The following ANO10 variants were observed in gnomAD, a reference collection of about 807,000 sequenced individuals.
The protein encoded by ANO10 is anoctamin-10.
Under a neutral mutation model 74.7 loss-of-function variants are expected in ANO10, and 77 were observed. That is an observed-to-expected ratio of 1.03 (90% confidence interval 0.86 to 1.25). ANO10 has a LOEUF of 1.25. ANO10 is among the 50% of genes most tolerant of loss of function. The pLI, the probability that ANO10 is intolerant of heterozygous loss-of-function variation, is 0.00. For synonymous variants in ANO10, 279 were observed against 284.9 expected, an observed-to-expected ratio of 0.98 and a Z score of 0.21; for missense variants, 721 against 778.1, an observed-to-expected ratio of 0.93 and a Z score of 0.87.
intron 12 of ANO10, among the ~76,000 whole-genome samples, chr3:43,422,964 G>A (rs1407080800): frequency 1.3e-5 from 2 of 152,126 alleles, no homozygotes; most frequent in Non-Finnish European, 2.9e-5. Context: ...ATAAAAGGAG[G>A]ATTGCTCCAG....
intron 1 of ANO10, among the ~76,000 whole-genome samples, chr3:43,620,718 T>C (rs1451789132): frequency 1.3e-5 from 2 of 152,160 alleles, no homozygotes; most frequent in Non-Finnish European, 2.9e-5. Context: ...TGAGCAGACA[T>C]TGTGCCACTG....
At chr3:43,632,705 G>A (rs1469488729) in intron 1 of ANO10, among the ~76,000 whole-genome samples, 1 of 152,216 alleles carries the variant, frequency 6.6e-6, no homozygotes, top group Admixed American at 6.5e-5. Flanking sequence ...TCTCCATGCA[G>A]CACTACACAG....
intron 11 of ANO10, among the ~76,000 whole-genome samples, chr3:43,531,668 C>A (rs1466769589): frequency 6.6e-6 from 1 of 152,020 alleles, no homozygotes; most frequent in Non-Finnish European, 1.5e-5. Flanking sequence ...CTGAGGTGGG[C>A]AGATCACTTC....
At chr3:43,521,935 G>A (rs2077975401) in intron 11 of ANO10, among the ~76,000 whole-genome samples, 1 of 152,132 alleles carries the variant, frequency 6.6e-6, no homozygotes, top group African/African-American at 2.4e-5. Flanking sequence ...TTCAGTATAT[G>A]CATACAATGA....
At chr3:43,583,438 C>T (rs925101424) in intron 4 of ANO10, among the ~76,000 whole-genome samples, 3 of 152,070 alleles carry the variant, frequency 2.0e-5, no homozygotes, top group East Asian at 1.9e-4. Context: ...GCCATTGAAC[C>T]GTGAGCCAAA....
chr3:43,562,663 AGAGT>A (rs2080104047), intron 8 of ANO10, among the ~76,000 whole-genome samples: 1 of 151,800 alleles, frequency 6.6e-6, no homozygotes, highest in Admixed American at 6.6e-5. Flanking sequence ...CCTGGGCAAC[AGAGT>A]GAGACTCCAT....
intron 11 of ANO10, among the ~76,000 whole-genome samples, chr3:43,470,636 A>ATTTATTTC (rs2075819598): frequency 6.7e-6 from 1 of 148,316 alleles, no homozygotes; most frequent in South Asian, 2.1e-4. Context: ...TTATGTATTT[A>ATTTATTTC]TTTATTTTGA....
At chr3:43,384,852 T>C (rs192714889) in intron 12 of ANO10, among the ~76,000 whole-genome samples, 2 of 152,272 alleles carry the variant, frequency 1.3e-5, no homozygotes, top group East Asian at 3.9e-4. Flanking sequence ...TTCTAGACAC[T>C]AGCTTAGGCA....
intron 8 of ANO10, among the ~76,000 whole-genome samples, chr3:43,565,283 T>G (rs1245936297): frequency 6.6e-6 from 1 of 152,214 alleles, no homozygotes; most frequent in East Asian, 1.9e-4. Context: ...AACAACTTAT[T>G]AACTTAAAAA....
At chr3:43,680,609 C>G (rs557000723) in intron 1 of ANO10, among the ~76,000 whole-genome samples, 1 of 152,272 alleles carries the variant, frequency 6.6e-6, no homozygotes, top group East Asian at 1.9e-4. Flanking sequence ...TCGAGAAGAG[C>G]AACTCCAAGA....
intron 11 of ANO10, among the ~76,000 whole-genome samples, chr3:43,456,467 A>C (rs1280828260): frequency 6.6e-6 from 1 of 152,238 alleles, no homozygotes; most frequent in Non-Finnish European, 1.5e-5. Context: ...TTAGAAGCAA[A>C]GAGTTGTCCA....
intron 1 of ANO10, chr3:43,621,701 T>C (rs1332336584): frequency 6.5e-6 from 1 of 152,748 alleles, no homozygotes; most frequent in Non-Finnish European, 1.5e-5. Flanking sequence ...CCGCAACACC[T>C]TCACTCGTCC....
intron 11 of ANO10, among the ~76,000 whole-genome samples, chr3:43,479,738 A>G (rs1202192125): frequency 2.0e-5 from 3 of 152,182 alleles, no homozygotes; most frequent in Admixed American, 6.5e-5. Flanking sequence ...TCACCATAAA[A>G]TGATAGCCCA....
chr3:43,558,757 G>C (rs1235526490), intron 9 of ANO10, among the ~76,000 whole-genome samples: 1 of 152,154 alleles, frequency 6.6e-6, no homozygotes, highest in East Asian at 1.9e-4. Flanking sequence ...CAATCATCTA[G>C]AATAAATGTG....
chr3:43,645,884 T>C (rs2083721260), intron 1 of ANO10, among the ~76,000 whole-genome samples: 1 of 152,284 alleles, frequency 6.6e-6, no homozygotes, highest in East Asian at 1.9e-4. Context: ...CTGGGCTCAC[T>C]GCAGCCTCCA....
chr3:43,445,179 C>T (rs2093226669), intron 11 of ANO10, among the ~76,000 whole-genome samples: 1 of 147,696 alleles, frequency 6.8e-6, no homozygotes, highest in Admixed American at 6.7e-5. Context: ...GTTTCTAATA[C>T]CATTGTCCAA....
At chr3:43,496,544 C>T (rs1221472372) in intron 11 of ANO10, among the ~76,000 whole-genome samples, 1 of 152,038 alleles carries the variant, frequency 6.6e-6, no homozygotes, top group Non-Finnish European at 1.5e-5. Context: ...AGCAATCCTC[C>T]TACCTCAGCC....
At chr3:43,607,762 T>C (rs929173696) in intron 1 of ANO10, among the ~76,000 whole-genome samples, 1 of 152,152 alleles carries the variant, frequency 6.6e-6, no homozygotes, top group African/African-American at 2.4e-5. Flanking sequence ...TGATCATATA[T>C]TCAAAGAACT....
chr3:43,607,596 G>A (rs2082624233), intron 1 of ANO10, among the ~76,000 whole-genome samples: 1 of 152,052 alleles, frequency 6.6e-6, no homozygotes. Flanking sequence ...TAATAGTGAA[G>A]GAGAATTAGA....
Sources: gnomAD v4.1 joint callset for allele counts (sites outside exome capture counted in the v4.1 genomes callset) on GRCh38, gnomAD v4.1.1 for gene constraint, MANE v1.5 for transcripts, NCBI Gene and HGNC (gene_info 2026-07-23, HGNC 2026-07-21) for gene names.